MYO3B: variants seen among roughly 807,000 people sequenced by gnomAD.
MYO3B encodes the protein myosin-IIIb.
Under a neutral mutation model 174.6 loss-of-function variants are expected in MYO3B, and 156 were observed. The ratio of observed to expected loss-of-function variants is 0.89; its 90% CI spans 0.78 to 1.02. The LOEUF is 1.02. Among genes scored for constraint, MYO3B ranks in the 50% least tolerant of loss-of-function variants. The pLI, the probability that MYO3B is intolerant of heterozygous loss-of-function variation, is 0.00. For missense variants in MYO3B, 1,632 were observed against 1,639.4 expected (o/e 1.00, Z 0.08); for synonymous variants, 563 against 569.1 (o/e 0.99, Z 0.15).
chr2:170,462,861 G>T (rs1048460722), intron 23 of MYO3B, among the ~76,000 whole-genome samples: 23 of 152,218 alleles, frequency 1.5e-4, no homozygotes, highest in African/African-American at 4.8e-4. Flanking sequence ...TGGTGCCTGA[G>T]CTCCTATCTG....
chr2:170,302,726 C>T (rs900382003), intron 7 of MYO3B, among the ~76,000 whole-genome samples: 2 of 152,156 alleles, frequency 1.3e-5, no homozygotes, highest in South Asian at 4.1e-4. Flanking sequence ...GCACTGAGAT[C>T]ACTGGATTAA....
intron 22 of MYO3B, among the ~76,000 whole-genome samples, chr2:170,427,182 T>C (rs1040940516): frequency 4.6e-5 from 7 of 152,352 alleles, no homozygotes; most frequent in Middle Eastern, 3.4e-3. Context: ...CTGCAACCTC[T>C]AGAATTAGTG....
chr2:170,181,480 T>C (rs979679888), intron 1 of MYO3B, among the ~76,000 whole-genome samples: 1 of 150,266 alleles, frequency 6.7e-6, no homozygotes, highest in Non-Finnish European at 1.5e-5. Flanking sequence ...TCAATATAAA[T>C]GATGAGAGCA....
intron 7 of MYO3B, among the ~76,000 whole-genome samples, chr2:170,294,841 A>G (rs1424655): frequency 0.67 from 101,483 of 151,932 alleles, 34,104 homozygotes; most frequent in Admixed American, 0.73. Flanking sequence ...ACTCTGGTGG[A>G]AGATATTGAG....
At chr2:170,285,889 A>G (rs2093552778) in intron 7 of MYO3B, among the ~76,000 whole-genome samples, 1 of 151,822 alleles carries the variant, frequency 6.6e-6, no homozygotes, top group African/African-American at 2.4e-5. Flanking sequence ...TTATATACAT[A>G]ATATGAGGGA....
chr2:170,375,755 A>T (rs1399216839), intron 9 of MYO3B, among the ~76,000 whole-genome samples: 2 of 150,688 alleles, frequency 1.3e-5, no homozygotes, highest in Admixed American at 6.6e-5. Context: ...AGAGCACCCC[A>T]TATTATATAC....
At chr2:170,270,418 G>A (rs1429462645) in intron 7 of MYO3B, among the ~76,000 whole-genome samples, 1 of 152,150 alleles carries the variant, frequency 6.6e-6, no homozygotes, top group Non-Finnish European at 1.5e-5. Context: ...ATAGGGTTTA[G>A]AACAATAGAA....
intron 28 of MYO3B, among the ~76,000 whole-genome samples, chr2:170,510,801 C>T (rs991075170): frequency 2.0e-5 from 3 of 152,146 alleles, no homozygotes; most frequent in African/African-American, 7.2e-5. Context: ...GAGTCTTGTC[C>T]TTATAGTCTT....
chr2:170,551,629 G>T (rs1690925376), intron 32 of MYO3B, among the ~76,000 whole-genome samples: 1 of 90,806 alleles, frequency 1.1e-5, no homozygotes, highest in African/African-American at 5.0e-5. Context: ...AGGACAAAGG[G>T]ATGGAAGAAG....
At chr2:170,448,037 A>G (rs1683339947) in intron 23 of MYO3B, among the ~76,000 whole-genome samples, 1 of 152,194 alleles carries the variant, frequency 6.6e-6, no homozygotes, top group Non-Finnish European at 1.5e-5. Flanking sequence ...TGTTATCCCC[A>G]GGAGCAATCT....
At chr2:170,300,477 G>A (rs977706976) in intron 7 of MYO3B, among the ~76,000 whole-genome samples, 136 of 152,242 alleles carry the variant, frequency 8.9e-4, no homozygotes, top group African/African-American at 2.9e-3. Context: ...CCCCAAACAC[G>A]TGTCCCTCTG....
chr2:170,543,726 C>T (rs758731803), intron 31 of MYO3B, among the ~76,000 whole-genome samples, 166 bp from the exon 32 acceptor site: 3 of 152,180 alleles, frequency 2.0e-5, no homozygotes, highest in Non-Finnish European at 4.4e-5. Context: ...AGAGGACCTC[C>T]ATTCAATTCT....
intron 22 of MYO3B, among the ~76,000 whole-genome samples, chr2:170,435,601 A>T (rs547458710): frequency 1.3e-5 from 2 of 152,330 alleles, no homozygotes; most frequent in East Asian, 3.9e-4. Context: ...GTCTACTGCG[A>T]TATAACTTAA....
chr2:170,400,654 CCCCT>C (rs58434361), intron 17 of MYO3B, among the ~76,000 whole-genome samples: 5,613 of 141,640 alleles, frequency 0.04, 166 homozygotes, highest in Non-Finnish European at 0.06. Context: ...CCACCCCCCC[CCCCT>C]CGGCCTCCCA....
chr2:170,611,996 A>T (rs1202735303), intron 32 of MYO3B, among the ~76,000 whole-genome samples: 1 of 152,226 alleles, frequency 6.6e-6, no homozygotes, highest in South Asian at 2.1e-4. Context: ...ATGGATCTCC[A>T]GGCCAGTTCT....
At chr2:170,424,844 A>G (rs2094648211) in intron 22 of MYO3B, among the ~76,000 whole-genome samples, 2 of 152,202 alleles carry the variant, frequency 1.3e-5, no homozygotes, top group Admixed American at 1.3e-4. Flanking sequence ...TATAGAAAAC[A>G]TAGCAGCTTT....
chr2:170,633,082 A>C (rs1192569659), intron 32 of MYO3B, among the ~76,000 whole-genome samples: 1 of 152,198 alleles, frequency 6.6e-6, no homozygotes, highest in Non-Finnish European at 1.5e-5. Context: ...AACTATTCCA[A>C]TCAATAGAAA....
At chr2:170,250,092 A>G (rs1459811845) in intron 7 of MYO3B, among the ~76,000 whole-genome samples, 1 of 152,226 alleles carries the variant, frequency 6.6e-6, no homozygotes, top group East Asian at 1.9e-4. Context: ...ATTTATATCC[A>G]CTATTATTGA....
chr2:170,184,913 A>C (rs1001632000), intron 1 of MYO3B, among the ~76,000 whole-genome samples: 1 of 152,024 alleles, frequency 6.6e-6, no homozygotes, highest in African/African-American at 2.4e-5. Flanking sequence ...TCTGATTGTA[A>C]TTTTGATTTA....
Sources: allele counts gnomAD v4.1 joint callset (sites outside exome capture counted in the v4.1 genomes callset), GRCh38; gene constraint gnomAD v4.1.1; transcripts MANE v1.5; gene names NCBI Gene and HGNC (gene_info 2026-07-23, HGNC 2026-07-21).